The following LDB2 variants were observed in gnomAD, a reference collection of about 807,000 sequenced individuals.
LDB2 encodes the protein LIM domain binding 2, also known as LIM domain-binding protein 2.
LDB2 carries 12 observed loss-of-function variants against 44.3 expected under a neutral mutation model. That is an observed-to-expected ratio of 0.27 (90% confidence interval 0.17 to 0.44). LDB2 has a LOEUF of 0.44. Among genes scored for constraint, LDB2 ranks in the 20% least tolerant of loss-of-function variants. The pLI is 1.00. For synonymous variants in LDB2, 164 were observed against 174.8 expected, an observed-to-expected ratio of 0.94 and a Z score of 0.49; for missense variants, 344 against 473.5, an observed-to-expected ratio of 0.73 and a Z score of 2.54.
intron 5 of LDB2, among the ~76,000 whole-genome samples, chr4:16,512,962 A>T (rs945286065): frequency 6.6e-6 from 1 of 152,236 alleles, no homozygotes; most frequent in Admixed American, 6.5e-5. Flanking sequence ...TACTGTACTT[A>T]TGAGGACAGA....
chr4:16,586,657 C>G (rs993654897), intron 4 of LDB2, among the ~76,000 whole-genome samples: 16 of 152,114 alleles, frequency 1.1e-4, no homozygotes, highest in African/African-American at 3.6e-4. Context: ...GTAAGTATCA[C>G]ATTTTCCAAA....
chr4:16,876,807 C>T (rs1191668154), intron 1 of LDB2, among the ~76,000 whole-genome samples: 1 of 152,004 alleles, frequency 6.6e-6, no homozygotes, highest in Non-Finnish European at 1.5e-5. Context: ...TGCCATCGAT[C>T]CTCAAAAATC....
At chr4:16,862,246 ATTTT>A (rs112121810) in intron 1 of LDB2, among the ~76,000 whole-genome samples, 1 of 147,006 alleles carries the variant, frequency 6.8e-6, no homozygotes, top group African/African-American at 2.5e-5. Flanking sequence ...ATTTTTTTCA[ATTTT>A]TTTTTTTTAT....
chr4:16,791,578 A>AAAAAAAAAAAAAAAAAAC (rs1775765469), intron 1 of LDB2, among the ~76,000 whole-genome samples: 1 of 149,430 alleles, frequency 6.7e-6, no homozygotes. Flanking sequence ...AAAAAGAAAG[A>AAAAAAAAAAAAAAAAAAC]CAGCCATTAC....
intron 1 of LDB2, among the ~76,000 whole-genome samples, chr4:16,771,266 A>C (rs1364814646): frequency 6.6e-6 from 1 of 152,220 alleles, no homozygotes; most frequent in Non-Finnish European, 1.5e-5. Context: ...ATTTTTGTTC[A>C]CAAAGACAAA....
At chr4:16,639,667 T>C (rs1016223494) in intron 2 of LDB2, among the ~76,000 whole-genome samples, 1 of 152,206 alleles carries the variant, frequency 6.6e-6, no homozygotes, top group Non-Finnish European at 1.5e-5. Flanking sequence ...CATTGTTTGG[T>C]CAGGCTGGTC....
chr4:16,617,930 C>T (rs1727779669), intron 2 of LDB2, among the ~76,000 whole-genome samples: 1 of 152,112 alleles, frequency 6.6e-6, no homozygotes, highest in Non-Finnish European at 1.5e-5. Context: ...TTCCTATAGT[C>T]TCTCTGGCTT....
intron 1 of LDB2, among the ~76,000 whole-genome samples, chr4:16,856,191 C>T (rs566799059): frequency 3.9e-5 from 6 of 152,046 alleles, no homozygotes; most frequent in Admixed American, 1.3e-4. Flanking sequence ...ACCTTTGAAA[C>T]AATGCCGAAA....
intron 1 of LDB2, among the ~76,000 whole-genome samples, chr4:16,772,612 G>A (rs2109357324): frequency 6.6e-6 from 1 of 152,224 alleles, no homozygotes; most frequent in East Asian, 1.9e-4. Flanking sequence ...AAATATTCAT[G>A]CCCTTTGACT....
At chr4:16,776,921 C>T (rs1271545879) in intron 1 of LDB2, among the ~76,000 whole-genome samples, 1 of 152,196 alleles carries the variant, frequency 6.6e-6, no homozygotes, top group South Asian at 2.1e-4. Context: ...GTGTCCTGTG[C>T]CTTCTAGGGT....
At chr4:16,805,039 A>C (rs939060093) in intron 1 of LDB2, among the ~76,000 whole-genome samples, 26 of 151,950 alleles carry the variant, frequency 1.7e-4, no homozygotes, top group Non-Finnish European at 1.5e-5. Flanking sequence ...GGGAGGAGAG[A>C]TGGAGAGAGA....
At chr4:16,634,558 G>T (rs952005224) in intron 2 of LDB2, among the ~76,000 whole-genome samples, 1 of 152,134 alleles carries the variant, frequency 6.6e-6, no homozygotes, top group African/African-American at 2.4e-5. Context: ...CATCATAACT[G>T]GTCATTAGAG....
intron 2 of LDB2, among the ~76,000 whole-genome samples, chr4:16,717,159 AAATAAT>A (rs140994016): frequency 1.7e-4 from 25 of 146,504 alleles, no homozygotes; most frequent in African/African-American, 5.3e-4. Flanking sequence ...AGCTAATAGC[AAATAAT>A]AATAATAATA....
At chr4:16,530,469 C>T (rs769972541) in intron 5 of LDB2, among the ~76,000 whole-genome samples, 1 of 152,214 alleles carries the variant, frequency 6.6e-6, no homozygotes, top group Non-Finnish European at 1.5e-5. Flanking sequence ...GTTTGCCCAG[C>T]AGCAGAAAGT....
chr4:16,816,572 C>G lies in LDB2; in HGVS notation c.133-57312G>C, dbSNP rs192502150. On this transcript the variant is annotated intron_variant, in intron 1 of 7. Transcript: ENST00000304523. ...TACAGGCGCCTGCCACCACATCCAA[C>G]TAATTTTTTTGTATTTTTAGTAGAG... Among the ~76,000 whole-genome samples, 69 of 123,130 alleles carry G rather than the reference C, an allele frequency of 5.6e-4. 1 individual carries two copies. Among genetic ancestry groups the G allele is most frequent in the Non-Finnish European group, 1.0e-3 (55 of 54,974 alleles). 80.8% of individuals were successfully genotyped at this position (123,130 alleles called of 152,430 possible).
rs1763747771 is a variant in LDB2 at position 16,743,418 on chromosome 4, C to T, written c.235+15740G>A. Among the ~76,000 whole-genome samples the T allele has an allele frequency of 2.0e-5, 3 of 152,062 alleles. No individual in the cohort carries two copies. The South Asian group carries it at 6.2e-4, about 32-fold the overall frequency. On this transcript the variant is annotated intron_variant, in intron 2 of 7. Transcript: ENST00000304523. ...CCTGGTATATGCACCCTGCATAATC[C>T]CTCTCCTTGATCATGAGTGGCTCTT...
chr4:16,852,138 G>T (rs1205536148), intron 1 of LDB2, among the ~76,000 whole-genome samples: 1 of 152,048 alleles, frequency 6.6e-6, no homozygotes, highest in African/African-American at 2.4e-5. Flanking sequence ...ACATCTTTTG[G>T]GGTTTTTATG....
chr4:16,779,830 T>C (rs1772772067), intron 1 of LDB2, among the ~76,000 whole-genome samples: 1 of 152,242 alleles, frequency 6.6e-6, no homozygotes, highest in Non-Finnish European at 1.5e-5. Context: ...CTCATCATTC[T>C]TAACTTGCTA....
At chr4:16,593,163 A>T (rs187586009) in intron 3 of LDB2, among the ~76,000 whole-genome samples, 24 of 152,294 alleles carry the variant, frequency 1.6e-4, no homozygotes, top group Admixed American at 1.6e-3. Context: ...TTTTCATAAA[A>T]GCAACTCAGA....
Sources: gnomAD v4.1 joint callset for allele counts (sites outside exome capture counted in the v4.1 genomes callset) on GRCh38, gnomAD v4.1.1 for gene constraint, MANE v1.5 for transcripts, NCBI Gene and HGNC (gene_info 2026-07-23, HGNC 2026-07-21) for gene names.